GYPE: variants seen among roughly 807,000 people sequenced by gnomAD.
GYPE encodes glycophorin E (MNS blood group).
GYPE carries 8 observed loss-of-function variants against 11.6 expected under a neutral mutation model. The ratio of observed to expected loss-of-function variants is 0.69; its 90% CI spans 0.41 to 1.25. The LOEUF (loss-of-function observed/expected upper bound fraction) is 1.25. Among genes scored for constraint, GYPE ranks in the 50% most tolerant of loss-of-function variants. GYPE has a pLI of 0.01. For synonymous variants in GYPE, 28 were observed against 29.6 expected (o/e 0.94, Z 0.18); for missense variants, 90 against 92.8 (o/e 0.97, Z 0.12).
chr4:143,878,867 T>C (rs1234312856), intron 2 of GYPE, among the ~76,000 whole-genome samples: 1 of 152,192 alleles, frequency 6.6e-6, no homozygotes, highest in Non-Finnish European at 1.5e-5. Context: ...AATTTCAGTA[T>C]CTACTTTTAA....
chr4:143,892,139 G>A (rs1744431943), intron 1 of GYPE, among the ~76,000 whole-genome samples: 1 of 152,134 alleles, frequency 6.6e-6, no homozygotes, highest in African/African-American at 2.4e-5. Context: ...TTGTATTTCT[G>A]TGGGATCGGT....
At chr4:143,899,865 T>C (rs555881544) in intron 1 of GYPE, among the ~76,000 whole-genome samples, 605 of 12,802 alleles carry the variant, frequency 0.047, 255 homozygotes, top group African/African-American at 0.049. Context: ...GAAGAAATCA[T>C]AGGGAGAAAT....
At chr4:143,892,146 C>G (rs968910471) in intron 1 of GYPE, among the ~76,000 whole-genome samples, 12 of 151,022 alleles carry the variant, frequency 7.9e-5, no homozygotes, top group African/African-American at 2.7e-4. Flanking sequence ...TCTGTGGGAT[C>G]GGTGGTGATA....
chr4:143,883,248 T>G (rs1483886688), intron 1 of GYPE, among the ~76,000 whole-genome samples: 8 of 152,086 alleles, frequency 5.3e-5, no homozygotes, highest in Non-Finnish European at 1.0e-4. Flanking sequence ...TCCAGGCATG[T>G]AAGACGTGCC....
intron 2 of GYPE, among the ~76,000 whole-genome samples, chr4:143,878,906 A>G (rs2149905450): frequency 6.6e-6 from 1 of 152,326 alleles, no homozygotes; most frequent in East Asian, 1.9e-4. Context: ...TGGATGACAA[A>G]TAAGCAAATT....
chr4:143,889,407 A>C (rs4835360), intron 1 of GYPE, among the ~76,000 whole-genome samples: 137,669 of 149,138 alleles, frequency 0.92, 64,447 homozygotes, highest in East Asian at 1. Context: ...GCAGAGTTCT[A>C]TTCCTGGCTT....
intron 2 of GYPE, among the ~76,000 whole-genome samples, chr4:143,879,478 T>C (rs576452340): frequency 4.6e-5 from 7 of 152,230 alleles, no homozygotes; most frequent in African/African-American, 1.4e-4. Flanking sequence ...GTGGGTGGTA[T>C]ATGGGCTTTG....
At chr4:143,890,296 A>G (rs1361578814) in intron 1 of GYPE, among the ~76,000 whole-genome samples, 1 of 152,180 alleles carries the variant, frequency 6.6e-6, no homozygotes. Flanking sequence ...CCTGCCTACT[A>G]AAGAATCCTC....
intron 1 of GYPE, 56 bp from the exon 2 acceptor site, chr4:143,880,565 T>C: frequency 1.9e-6 from 3 of 1,612,408 alleles, no homozygotes; most frequent in East Asian, 4.5e-5. Flanking sequence ...GAGCGGACCA[T>C]AAAGCATATC....
chr4:143,902,625 C>T (rs1202878762), intron 1 of GYPE, among the ~76,000 whole-genome samples: 5 of 151,770 alleles, frequency 3.3e-5, no homozygotes, highest in African/African-American at 9.7e-5. Context: ...TCCTTTCTCT[C>T]CCTCTCTGCT....
In GYPE at chr4:143,891,329, CTT is replaced by C. The variant is rs747618657; in HGVS notation, c.38-10822_38-10821del. On this transcript the variant is annotated intron_variant, in intron 1 of 3. Transcript: ENST00000358615. ...ATTATTATTTTGATTTTTTTTGTTT[CTT>C]TTTTTTTTTTTTTTTGAGACAGAGG... 2.0e-4 allele frequency among the ~76,000 whole-genome samples: 23 copies of C among 117,902 alleles called. 9 individuals carry two copies. The highest frequency in any genetic ancestry group is 2.2e-4 in the Non-Finnish European group (12 of 54,690). 77.3% of individuals were successfully genotyped at this position (117,902 alleles called of 152,430 possible). A position where few individuals can be genotyped will look rare whatever the true frequency, so the allele number is the denominator to read the frequency against.
chr4:143,882,879 A>G lies in GYPE; in HGVS notation c.38-2370T>C, dbSNP rs114584185. Among the ~76,000 whole-genome samples the G allele has an allele frequency of 3.4e-3, 524 of 152,256 alleles. 7 individuals are homozygous for G. Among genetic ancestry groups the G allele is most frequent in the African/African-American group, 0.012 (514 of 41,556 alleles). Reference sequence around the variant, plus strand: ...AGACTTCCATATCCCATTATTTTGAATTTTCTCAGCATGAGAATAGTGCTT... The same window carrying G: ...AGACTTCCATATCCCATTATTTTGAGTTTTCTCAGCATGAGAATAGTGCTT... On this transcript the variant is annotated intron_variant, in intron 1 of 3. Transcript: ENST00000358615.
chr4:143,879,690 C>G (rs560495436), intron 2 of GYPE, among the ~76,000 whole-genome samples: 6 of 152,202 alleles, frequency 3.9e-5, no homozygotes, highest in African/African-American at 1.4e-4. Flanking sequence ...ATATGTGTCC[C>G]GTTTGTGCTT....
chr4:143,902,586 TTC>T (rs1427610972), intron 1 of GYPE, among the ~76,000 whole-genome samples: 2 of 151,686 alleles, frequency 1.3e-5, no homozygotes, highest in African/African-American at 4.9e-5. Context: ...CCATCCTCTC[TTC>T]TTTCCTTCCT....
At chr4:143,890,333 T>TA (rs1744355647) in intron 1 of GYPE, among the ~76,000 whole-genome samples, 1 of 152,210 alleles carries the variant, frequency 6.6e-6, no homozygotes, top group Non-Finnish European at 1.5e-5. Context: ...TCACATATTT[T>TA]ACCTGTGTCC....
intron 2 of GYPE, among the ~76,000 whole-genome samples, chr4:143,879,127 TAA>T: frequency 6.6e-6 from 1 of 152,168 alleles, no homozygotes; most frequent in African/African-American, 2.4e-5. Flanking sequence ...TGTCTGAATC[TAA>T]ACTGTTACTG....
rs766974947 is a variant in GYPE, at chr4:143,876,823, G to C, written c.169C>G (p.Arg57Gly). 7.5e-6 allele frequency: 12 copies of C among 1,610,622 alleles called. No homozygotes were observed. In the East Asian group the frequency reaches 1.3e-4, roughly 18 times the overall value. Residue 57 changes from arginine to glycine, a missense_variant, in exon 3 of 4, where the codon CGT becomes GGT. Physicochemically the swap from Arg to Gly is moderately radical, Grantham distance 125 (BLOSUM62 -2). Transcript: ENST00000358615. ...ACAAGCATCACCTCAAAAATAACAC[G>C]AGCCATCGCCCACCAATTAATGAGT... Reference protein sequence around the residue: ...ITLINWWAMARVIFEVMLVVV... With the variant: ...ITLINWWAMAGVIFEVMLVVV...
chr4:143,895,448 AG>A (rs927192707), intron 1 of GYPE, among the ~76,000 whole-genome samples: 1 of 151,046 alleles, frequency 6.6e-6, no homozygotes, highest in African/African-American at 2.4e-5. Context: ...CCAACTTACA[AG>A]GGATGTTAAG....
chr4:143,874,673 A>C (rs904404962), intron 3 of GYPE, among the ~76,000 whole-genome samples: 4 of 152,158 alleles, frequency 2.6e-5, no homozygotes, highest in African/African-American at 9.7e-5. Context: ...TCTGGTGTGT[A>C]CTCGAAGAGG....
Sources: allele counts gnomAD v4.1 joint callset (sites outside exome capture counted in the v4.1 genomes callset), GRCh38; gene constraint gnomAD v4.1.1; transcripts MANE v1.5; gene names NCBI Gene and HGNC (gene_info 2026-07-23, HGNC 2026-07-21).